ALOX12: variants seen among roughly 807,000 people sequenced by gnomAD.
ALOX12 encodes polyunsaturated fatty acid lipoxygenase ALOX12.
A neutral mutation model predicts 85.5 loss-of-function variants in ALOX12; 62 were observed. That is an observed-to-expected ratio of 0.73 (90% CI 0.59 to 0.90). The LOEUF (loss-of-function observed/expected upper bound fraction) is 0.90. Ranked by LOEUF, ALOX12 falls within the 40% of genes least tolerant of loss-of-function variation. The pLI is 0.00. For missense variants in ALOX12, 751 were observed against 856.5 expected (o/e 0.88, Z 1.54); for synonymous variants, 299 against 332.7 (o/e 0.90, Z 1.10).
chr17:7,004,368 T>C (rs1252391069), intron 8 of ALOX12, among the ~76,000 whole-genome samples: 1 of 110,214 alleles, frequency 9.1e-6, no homozygotes, highest in Non-Finnish European at 1.8e-5. Context: ...ATTTTAATAT[T>C]AATTTAATTT....
intron 8 of ALOX12, among the ~76,000 whole-genome samples, chr17:7,003,432 T>A (rs1279498044): frequency 6.7e-6 from 1 of 149,280 alleles, no homozygotes; most frequent in Non-Finnish European, 1.5e-5. Context: ...TTCTTGCAAA[T>A]TTTTTTTTTT....
In ALOX12 at chr17:7,005,947, C is replaced by T. The variant is rs1356235114; in HGVS notation, c.1338C>T (p.Asp446=). 5 of 1,613,070 alleles carry T rather than the reference C, an allele frequency of 3.1e-6. No individual in the cohort carries two copies. Among genetic ancestry groups the T allele is most frequent in the East Asian group, 4.5e-5 (2 of 44,818 alleles). Residue 446 remains aspartate, a synonymous_variant, in exon 10 of 14, where the codon GAC becomes GAT. Coordinates refer to ENST00000251535, the MANE Select transcript of ALOX12 (RefSeq NM_000697.3). ...ACTGCTCCCTCTGTCCTCCTGACGACCTGGCTGACCGGGGCCTGCTGGGAC... is the reference window on the plus strand; with the variant it reads ...ACTGCTCCCTCTGTCCTCCTGACGATCTGGCTGACCGGGGCCTGCTGGGAC... ...LTYCSLCPPD[D]LADRGLLGLP...
rs183466632 is a variant in ALOX12, at chr17:7,001,660, C to T, written c.1010C>T (p.Pro337Leu). 163 of 1,614,198 alleles carry T rather than the reference C, an allele frequency of 1.0e-4. No individual in the cohort carries two copies. The African/African-American group carries it at 1.7e-3, about 17-fold the overall frequency. The change falls in exon 8 of 14, where the codon CCA (proline) becomes CTA (leucine). Residue 337 changes from proline to leucine, a missense_variant. Coordinates refer to ENST00000251535, the MANE Select transcript of ALOX12 (RefSeq NM_000697.3). Reference sequence around the variant, plus strand: ...ACACTGTTCCTGCCCTCAGACCCCCCACTTGCCTGGCTCCTGGCAAAGTCC... The same window carrying T: ...ACACTGTTCCTGCCCTCAGACCCCCTACTTGCCTGGCTCCTGGCAAAGTCC... ...TPTLFLPSDP[P>L]LAWLLAKSWV...
intron 7 of ALOX12, 155 bp from the exon 8 acceptor site, chr17:7,001,447 C>G: frequency 1.3e-6 from 1 of 761,524 alleles, no homozygotes; most frequent in Non-Finnish European, 2.2e-6. Flanking sequence ...GGCACTCCAG[C>G]TAGCGAGCGG....
rs1597847741 is a variant in ALOX12 at position 6,996,086 on chromosome 17, G to A, written c.-32G>A. The stretch of plus-strand genomic sequence containing the variant: ...CGGTCCCGGGAATCGCACAGGACCC[G>A]GCTCCCCTCGCCTAAGCTGCTGGGG... On this transcript the variant is annotated 5_prime_UTR_variant, in exon 1 of 14. Transcript: ENST00000251535. 1.6e-6 allele frequency: 2 copies of A among 1,243,272 alleles called. No individual in the cohort carries two copies. Among genetic ancestry groups the A allele is most frequent in the South Asian group, 4.1e-5 (1 of 24,428 alleles). The allele number at this position is 1,243,272 out of a possible 1,614,324, so 77.0% of individuals were successfully genotyped here. A position where few individuals can be genotyped will look rare whatever the true frequency, so the allele number is the denominator to read the frequency against.
chr17:7,005,207 A>G (rs1001630105), intron 8 of ALOX12, 50 bp from the exon 9 acceptor site: 1 of 1,526,418 alleles, frequency 6.6e-7, no homozygotes, highest in Non-Finnish European at 9.1e-7. Context: ...ACCAGGAAGG[A>G]CCCAAGCATG....
intron 7 of ALOX12, 183 bp from the exon 8 acceptor site, chr17:7,001,419 C>T: frequency 1.6e-6 from 1 of 639,548 alleles, no homozygotes; most frequent in Non-Finnish European, 2.7e-6. Flanking sequence ...GTCCCTCCTG[C>T]CTTCCACCTG....
Position 7,000,426 on chromosome 17 carries a change from C to A in ALOX12, c.898C>A (p.Leu300Ile), listed in dbSNP as rs778734947. The A allele has an allele frequency of 1.2e-6, 2 of 1,614,034 alleles. No individual in the cohort carries two copies. The highest frequency in any genetic ancestry group is 1.7e-6 in the Non-Finnish European group (2 of 1,180,038). ...AGAGAAGCAATACCTGGCTGCCCCC[C>A]TCGTTATGCTGAAGATGGAGCCCAA... is the stretch of plus-strand genomic sequence containing the variant. ...RGEKQYLAAP[L>I]VMLKMEPNGK... The change falls in exon 7 of 14, where the codon CTC (leucine) becomes ATC (isoleucine). Residue 300 changes from leucine to isoleucine, a missense_variant. Transcript: ENST00000251535. This position sits in a 1 kb window ranked among gnomAD's most constrained non-coding sequence, Gnocchi z 4.6.
At position 6,996,835 on chromosome 17, in the gene ALOX12, T is replaced by A. The variant is rs1180104274; in HGVS notation, c.145T>A (p.Phe49Ile). The A allele has an allele frequency of 1.9e-6, 3 of 1,611,896 alleles. No individual in the cohort carries two copies. The highest frequency in any genetic ancestry group is 2.5e-6 in the Non-Finnish European group (3 of 1,178,558). The change falls in exon 2 of 14, where the codon TTT becomes ATT. Residue 49 changes from phenylalanine to isoleucine, a missense_variant. Coordinates refer to ENST00000251535, the MANE Select transcript of ALOX12 (RefSeq NM_000697.3). ...GGTCCGGCCTGCACAGGAGGAGGAG[T>A]TTGATCATGACGTTGCAGAGGACTT... ...LRPARGEEEE[F>I]DHDVAEDLGL...
intron 6 of ALOX12, among the ~76,000 whole-genome samples, chr17:6,999,948 G>A (rs1006240254): frequency 2.0e-5 from 3 of 152,182 alleles, no homozygotes; most frequent in African/African-American, 4.8e-5. Flanking sequence ...GGCAGAGGAT[G>A]TGAGATTTGA....
chr17:7,006,655 G>C, intron 11 of ALOX12, 48 bp downstream of exon 11: 1 of 1,522,908 alleles, frequency 6.6e-7, no homozygotes. Flanking sequence ...GACTCTGCCA[G>C]GGCGCCTTCC....
chr17:7,005,200 A>C, intron 8 of ALOX12, 57 bp from the exon 9 acceptor site: 1 of 1,494,460 alleles, frequency 6.7e-7, no homozygotes, highest in Non-Finnish European at 9.3e-7. Flanking sequence ...AGGCCCTACC[A>C]GGAAGGACCC....
intron 11 of ALOX12, among the ~76,000 whole-genome samples, chr17:7,007,255 C>T (rs554132264): frequency 3.9e-4 from 60 of 152,336 alleles, no homozygotes; most frequent in South Asian, 3.5e-3. Context: ...AGTCAACTCT[C>T]ACTCCCCACA....
intron 8 of ALOX12, 196 bp downstream of exon 8, chr17:7,002,007 G>A (rs1047255915): frequency 1.3e-4 from 77 of 592,678 alleles, no homozygotes; most frequent in Non-Finnish European, 2.0e-4. Context: ...GGAATCCTCT[G>A]AAATTCTCAG....
At chr17:6,996,366 C>G in intron 1 of ALOX12, 114 bp downstream of exon 1, 1 of 1,143,798 alleles carries the variant, frequency 8.7e-7, no homozygotes, top group Non-Finnish European at 1.1e-6. Context: ...ACAGCGCGAC[C>G]TCGCGGACTG....
chr17:7,002,899 C>A (rs16956383), intron 8 of ALOX12, among the ~76,000 whole-genome samples: 144 of 152,222 alleles, frequency 9.5e-4, no homozygotes, highest in African/African-American at 3.4e-3. Context: ...GATGTATTGG[C>A]AAGATATGCA....
At chr17:7,007,663 C>T (rs1464631160) in intron 11 of ALOX12, among the ~76,000 whole-genome samples, 1 of 152,150 alleles carries the variant, frequency 6.6e-6, no homozygotes, top group Non-Finnish European at 1.5e-5. Context: ...GTGGGTGGAT[C>T]ACGAGGTCAG....
rs147000782 is a variant in ALOX12 at position 7,010,022 on chromosome 17, G to A, written c.1708G>A (p.Glu570Lys). ...TMRMPPPTTKEDVTMATVMGS... is the reference protein window; with the variant it reads ...TMRMPPPTTKKDVTMATVMGS... ...GCGGATGCCCCCACCCACCACCAAG[G>A]AAGATGTGACGATGGCCACAGTGAT... Residue 570 changes from glutamate to lysine, a missense_variant, in exon 13 of 14, where the codon GAA (glutamate) becomes AAA (lysine). Glu to Lys is a moderately conservative substitution (Grantham distance 56, BLOSUM62 1). Coordinates refer to ENST00000251535, the MANE Select transcript of ALOX12 (RefSeq NM_000697.3). 131 of 1,614,192 alleles carry A rather than the reference G, an allele frequency of 8.1e-5. No individual in the cohort carries two copies. Among genetic ancestry groups the A allele is most frequent in the Non-Finnish European group, 1.1e-4 (131 of 1,180,038 alleles).
intron 11 of ALOX12, among the ~76,000 whole-genome samples, 178 bp downstream of exon 11, chr17:7,006,785 C>T (rs1307220983): frequency 6.6e-6 from 1 of 152,082 alleles, no homozygotes; most frequent in Non-Finnish European, 1.5e-5. Context: ...ATTCTAGAGA[C>T]CCAAGGACTG....
Sources: gnomAD v4.1 joint callset for allele counts (sites outside exome capture counted in the v4.1 genomes callset) on GRCh38, gnomAD v4.1.1 for gene constraint, Gnocchi (gnomAD v3.1) non-coding constraint, MANE v1.5 for transcripts, NCBI Gene and HGNC (gene_info 2026-07-23, HGNC 2026-07-21) for gene names.